INSYN2A: variants seen among roughly 807,000 people sequenced by gnomAD.
The protein encoded by INSYN2A is inhibitory synaptic factor 2A.
INSYN2A carries 17 observed loss-of-function variants against 39.4 expected under a neutral mutation model. That is an observed-to-expected ratio of 0.43 (90% CI 0.30 to 0.65). The LOEUF (loss-of-function observed/expected upper bound fraction) is 0.65, where lower values mean the gene tolerates loss of function less well. INSYN2A is among the 30% of genes least tolerant of loss of function. The pLI is 0.14. For missense variants in INSYN2A, 595 were observed against 631.2 expected, an observed-to-expected ratio of 0.94 and a Z score of 0.61; for synonymous variants, 255 against 265.7, an observed-to-expected ratio of 0.96 and a Z score of 0.39.
At chr10:127,163,661 A>G (rs760647161) in intron 4 of INSYN2A, among the ~76,000 whole-genome samples, 1 of 152,178 alleles carries the variant, frequency 6.6e-6, no homozygotes, top group Non-Finnish European at 1.5e-5. Flanking sequence ...AATAGTATTC[A>G]TATTAGCCCA....
At chr10:127,155,277 A>G (rs2052928707) in intron 4 of INSYN2A, among the ~76,000 whole-genome samples, 1 of 152,170 alleles carries the variant, frequency 6.6e-6, no homozygotes, top group East Asian at 1.9e-4. Context: ...AACATTTGAC[A>G]AAAGGATTGT....
intron 2 of INSYN2A, among the ~76,000 whole-genome samples, chr10:127,178,005 A>C (rs550598566): frequency 6.6e-6 from 1 of 152,288 alleles, no homozygotes; most frequent in Non-Finnish European, 1.5e-5. Context: ...CAGCTGTCCA[A>C]CAGACAGAGG....
intron 2 of INSYN2A, among the ~76,000 whole-genome samples, chr10:127,180,335 C>T (rs1008504990): frequency 6.6e-6 from 1 of 152,128 alleles, no homozygotes; most frequent in African/African-American, 2.4e-5. Flanking sequence ...GGCTGGGTCA[C>T]CCTAGAGAAC....
Position 127,176,992 on chromosome 10 carries a change from G to A in INSYN2A, c.-121C>T, listed in dbSNP as rs1182885. 0.5 allele frequency: 75,325 copies of A among 152,024 alleles called. 20,471 individuals are homozygous for A. Among genetic ancestry groups the A allele is most frequent in the East Asian group, 0.75 (3,852 of 5,146 alleles). 9.4% of individuals were successfully genotyped at this position (152,024 alleles called of 1,614,324 possible). On this transcript the variant is annotated 5_prime_UTR_variant, in exon 3 of 6. Transcript: ENST00000522781. The surrounding 1 kb of genome is among the most constrained non-coding windows in gnomAD (Gnocchi z 4.4). The stretch of plus-strand genomic sequence containing the variant: ...GGGGGAGAGTTGGCCGTGCTCCTGG[G>A]TGGGAACCGTGAAGGAGAAGTCGTC...
At position 127,153,790 on chromosome 10, in the gene INSYN2A, T is replaced by C. The variant is rs569715532; in HGVS notation, c.1256+62A>G. The C allele has an allele frequency of 2.3e-5, 30 of 1,305,618 alleles. No individual in the cohort carries two copies. The South Asian group carries it at 3.6e-4, about 16-fold the overall frequency. The allele number at this position is 1,305,618 out of a possible 1,614,324, so 80.9% of individuals were successfully genotyped here. On this transcript the variant is annotated intron_variant, in intron 5 of 5. Transcript: ENST00000522781. Reference sequence around the variant, plus strand: ...CATGGCCCCAGATCGTTCTTGCATTTGTGGGTAAACATCATTTGTCACTCA... The same window carrying C: ...CATGGCCCCAGATCGTTCTTGCATTCGTGGGTAAACATCATTTGTCACTCA...
intron 2 of INSYN2A, among the ~76,000 whole-genome samples, chr10:127,182,964 G>A (rs1034486904): frequency 4.6e-5 from 7 of 151,996 alleles, no homozygotes; most frequent in Non-Finnish European, 8.8e-5. Context: ...CACAGAAGAG[G>A]TGGTCTCCCT....
intron 5 of INSYN2A, among the ~76,000 whole-genome samples, chr10:127,153,238 T>G (rs537987417): frequency 6.6e-6 from 1 of 152,358 alleles, no homozygotes; most frequent in African/African-American, 2.4e-5. Context: ...GACTATATCT[T>G]AAAATCCTAA....
At chr10:127,178,619 G>A (rs1465875811) in intron 2 of INSYN2A, among the ~76,000 whole-genome samples, 1 of 152,226 alleles carries the variant, frequency 6.6e-6, no homozygotes, top group East Asian at 1.9e-4. Flanking sequence ...GGTGAGGCTT[G>A]CGTAGACAGC....
At chr10:127,166,034 T>A (rs930151461) in intron 4 of INSYN2A, among the ~76,000 whole-genome samples, 5 of 152,170 alleles carry the variant, frequency 3.3e-5, no homozygotes, top group African/African-American at 1.2e-4. Flanking sequence ...GCAAAAAAAT[T>A]AAAAAATTTA....
chr10:127,152,450 A>G (rs955061297), intron 5 of INSYN2A, among the ~76,000 whole-genome samples: 1 of 152,212 alleles, frequency 6.6e-6, no homozygotes, highest in South Asian at 2.1e-4. Flanking sequence ...TTGGCGTGCC[A>G]TGCCAGGCTG....
At chr10:127,166,400 G>T (rs2054094856) in intron 4 of INSYN2A, among the ~76,000 whole-genome samples, 1 of 152,178 alleles carries the variant, frequency 6.6e-6, no homozygotes, top group Non-Finnish European at 1.5e-5. Context: ...GTTCATGTTG[G>T]TTCCCCATTT....
At position 127,176,284 on chromosome 10, in the gene INSYN2A, T is replaced by A; in HGVS notation, c.112A>T (p.Ile38Phe). Residue 38 changes from isoleucine to phenylalanine, a missense_variant, in exon 4 of 6, where the codon ATT (isoleucine) becomes TTT (phenylalanine). Physicochemically the swap from Ile to Phe is conservative, Grantham distance 21. Around this residue, in one of 2 missense-constraint regions of INSYN2A, gnomAD observed 478 missense variants for 467.4 expected, o/e 1.02. Transcript: ENST00000522781. This position sits in a 1 kb window ranked among gnomAD's most constrained non-coding sequence, Gnocchi z 4.4. ...TGCAGGGCTTTGTTCCGTTTTTTAA[T>A]CTGCCGGTTGGGGTCCAGGGCGTAT... Reference protein sequence around the residue: ...MKYALDPNRQIKKRNKALQVR... With the variant: ...MKYALDPNRQFKKRNKALQVR... 1 of 1,614,152 alleles carries A rather than the reference T, an allele frequency of 6.2e-7. No homozygotes were observed. Among genetic ancestry groups the A allele is most frequent in the Non-Finnish European group, 8.5e-7 (1 of 1,180,040 alleles).
intron 2 of INSYN2A, among the ~76,000 whole-genome samples, chr10:127,185,371 C>T (rs1369541747): frequency 6.6e-6 from 1 of 151,950 alleles, no homozygotes; most frequent in Non-Finnish European, 1.5e-5. Context: ...ACTAAAAATA[C>T]AAAAATTAGC....
intron 4 of INSYN2A, among the ~76,000 whole-genome samples, chr10:127,155,366 A>G (rs1461707925): frequency 2.0e-5 from 3 of 152,194 alleles, no homozygotes; most frequent in African/African-American, 7.2e-5. Flanking sequence ...TTGTTGATCA[A>G]GTGACCATAT....
intron 2 of INSYN2A, among the ~76,000 whole-genome samples, chr10:127,181,518 A>C (rs11597074): frequency 1.3e-5 from 2 of 152,116 alleles, no homozygotes; most frequent in Non-Finnish European, 2.9e-5. Context: ...GCATATAGTA[A>C]GATAGCTAGG....
At chr10:127,169,110 T>C (rs1319134245) in intron 4 of INSYN2A, among the ~76,000 whole-genome samples, 1 of 152,194 alleles carries the variant, frequency 6.6e-6, no homozygotes, top group African/African-American at 2.4e-5. Context: ...TTTTTATTTC[T>C]GCTGCTGGGA....
At chr10:127,194,604 G>A (rs1321195593) in intron 1 of INSYN2A, among the ~76,000 whole-genome samples, 2 of 152,148 alleles carry the variant, frequency 1.3e-5, no homozygotes, top group Non-Finnish European at 2.9e-5. Context: ...TCTGGGAATG[G>A]CCCGGGTCTT....
chr10:127,152,655 C>T (rs888884697), intron 5 of INSYN2A, among the ~76,000 whole-genome samples: 2 of 152,354 alleles, frequency 1.3e-5, no homozygotes, highest in East Asian at 3.9e-4. Context: ...CAGCAGCATT[C>T]CTGGCCTCTA....
chr10:127,159,752 C>G (rs1228555119), intron 4 of INSYN2A, among the ~76,000 whole-genome samples: 3 of 152,108 alleles, frequency 2.0e-5, no homozygotes, highest in Non-Finnish European at 4.4e-5. Flanking sequence ...GAAGGGCAGG[C>G]CCATGGCAGA....
Sources: allele counts gnomAD v4.1 joint callset (sites outside exome capture counted in the v4.1 genomes callset), GRCh38; gene constraint gnomAD v4.1.1; regional missense constraint gnomAD v4.1.1; non-coding constraint Gnocchi (gnomAD v3.1); transcripts MANE v1.5; gene names NCBI Gene and HGNC (gene_info 2026-07-23, HGNC 2026-07-21).